Variants in RABAC1 observed in about 807,000 individuals in gnomAD.
The protein encoded by RABAC1 is Rab acceptor 1.
Under a neutral mutation model 22.9 loss-of-function variants are expected in RABAC1, and 16 were observed. The ratio of observed to expected loss-of-function variants is 0.70; its 90% CI spans 0.47 to 1.06. RABAC1 has a LOEUF of 1.06. Among genes scored for constraint, RABAC1 ranks in the 50% least tolerant of loss-of-function variants. RABAC1 has a pLI of 0.00. For missense variants in RABAC1, 227 were observed against 246.5 expected (o/e 0.92, Z 0.53); for synonymous variants, 139 against 107.7 (o/e 1.29, Z -1.80).
chr19:41,957,437 G>C (rs1396533260), intron 3 of RABAC1: 5 of 348,786 alleles, frequency 1.4e-5, no homozygotes, highest in Non-Finnish European at 2.7e-5. Context: ...GCGCAGACCA[G>C]GGTCTCAAAC....
chr19:41,959,302 G>A lies in RABAC1; in HGVS notation c.-10C>T, dbSNP rs771228785. ...CCTTCTGCGCTGCCATGTCTGCGTCGTGAGGGGTAGAGCTGCTGTAACCAG... is the reference window on the plus strand; with the variant it reads ...CCTTCTGCGCTGCCATGTCTGCGTCATGAGGGGTAGAGCTGCTGTAACCAG... On this transcript the variant is annotated 5_prime_UTR_variant, in exon 1 of 5. In the 5' UTR this introduces an upstream ATG that the reference lacks. Coordinates refer to ENST00000222008, the MANE Select transcript of RABAC1 (RefSeq NM_006423.3). 1.2e-6 allele frequency: 2 copies of A among 1,613,438 alleles called. No individual in the cohort carries two copies. Among genetic ancestry groups the A allele is most frequent in the African/African-American group, 1.3e-5 (1 of 74,934 alleles).
At chr19:41,957,338 C>T (rs1224275177) in intron 3 of RABAC1, 1 of 554,840 alleles carries the variant, frequency 1.8e-6, no homozygotes, top group Non-Finnish European at 3.2e-6. Flanking sequence ...CTCAGCCCCA[C>T]CCTCTGCCCT....
intron 3 of RABAC1, chr19:41,957,385 G>C: frequency 2.0e-6 from 1 of 500,946 alleles, no homozygotes; most frequent in African/African-American, 1.9e-5. Flanking sequence ...TGGGATCCCG[G>C]CTTCCTGCTC....
intron 3 of RABAC1, chr19:41,957,330 C>T: frequency 1.7e-6 from 1 of 573,260 alleles, no homozygotes; most frequent in Non-Finnish European, 3.1e-6. Flanking sequence ...TCGCCTGCCT[C>T]AGCCCCACCC....
In RABAC1 at chr19:41,958,959, TG is replaced by T; in HGVS notation, c.57-12del. On this transcript the variant is annotated splice_polypyrimidine_tract_variant and intron_variant, in intron 1 of 4. Coordinates refer to ENST00000222008, the MANE Select transcript of RABAC1 (RefSeq NM_006423.3). Reference sequence around the variant, plus strand: ...TTCGGCAGCAGGGTCCTGCGGGGGGTGGGGCCGGGTCAGTGGTGGACCGGGA... The same window carrying T: ...TTCGGCAGCAGGGTCCTGCGGGGGGTGGGCCGGGTCAGTGGTGGACCGGGA... 6.4e-7 allele frequency: 1 copy of T among 1,552,822 alleles called. No individual in the cohort carries two copies. The highest frequency in any genetic ancestry group is 8.7e-7 in the Non-Finnish European group (1 of 1,154,632).
intron 2 of RABAC1, 124 bp downstream of exon 2, chr19:41,958,612 G>T: frequency 9.0e-7 from 1 of 1,116,606 alleles, no homozygotes. Flanking sequence ...GGGCCTGGGC[G>T]GTGAGAAGAG....
Position 41,956,833 on chromosome 19 carries a change from C to A in RABAC1, c.*13G>T. 6.2e-7 allele frequency: 1 copy of A among 1,602,804 alleles called. No homozygotes were observed. On this transcript the variant is annotated 3_prime_UTR_variant, in exon 5 of 5. Coordinates refer to ENST00000222008, the MANE Select transcript of RABAC1 (RefSeq NM_006423.3). Reference sequence around the variant, plus strand: ...CAGCTGGCCCGGGAGGCCGGCAGGTCCCAGAAGACACCTCACACGGGTTCC... The same window carrying A: ...CAGCTGGCCCGGGAGGCCGGCAGGTACCAGAAGACACCTCACACGGGTTCC...
intron 3 of RABAC1, chr19:41,957,343 T>G: frequency 1.8e-6 from 1 of 547,926 alleles, no homozygotes; most frequent in East Asian, 3.1e-5. Flanking sequence ...CCCCACCCTC[T>G]GCCCTCTGCC....
chr19:41,957,908 C>A (rs1355167759), intron 3 of RABAC1: 4 of 182,002 alleles, frequency 2.2e-5, no homozygotes, highest in African/African-American at 4.7e-5. Context: ...GGAAAAGAAA[C>A]GGGAACAGAT....
chr19:41,957,955 T>C, intron 3 of RABAC1: 2 of 315,604 alleles, frequency 6.3e-6, no homozygotes, highest in South Asian at 2.8e-5. Flanking sequence ...GTGTCCAGTG[T>C]GGGCACCTGC....
chr19:41,956,897 G>A lies in RABAC1; in HGVS notation c.507C>T (p.Phe169=), dbSNP rs2074992171. 6.2e-7 allele frequency: 1 copy of A among 1,612,676 alleles called. No individual in the cohort carries two copies. The highest frequency in any genetic ancestry group is 8.5e-7 in the Non-Finnish European group (1 of 1,179,478). The change falls in exon 5 of 5, where the codon TTC becomes TTT. Residue 169 remains phenylalanine (F), a synonymous_variant. Transcript: ENST00000222008. The part of the protein sequence containing the change: ...TLVVIGSHAA[F]HQIEAVDGEE... ...CCCCGTCCACAGCCTCAATCTGGTG[G>A]AAGGCAGCGTGGGAGCCGATGACCA...
chr19:41,957,119 C>T lies in RABAC1; in HGVS notation c.368G>A (p.Gly123Asp). 2 of 1,613,302 alleles carry T rather than the reference C, an allele frequency of 1.2e-6. No individual in the cohort carries two copies. The highest frequency in any genetic ancestry group is 1.7e-6 in the Non-Finnish European group (2 of 1,179,800). ...RTLESKLVLF[G>D]REVSPAHQYA... ...CTGATGCGCTGGGCTCACCTCTCGG[C>T]CTGGGGGCAGATGGCATTGGGGTGC... The change falls in exon 4 of 5, where the codon GGC becomes GAC. Residue 123 changes from glycine (G) to aspartate (D), a missense_variant and splice_region_variant. By Grantham distance (94) the Gly-to-Asp change is moderately conservative. Transcript: ENST00000222008.
chr19:41,956,787 C>T lies in RABAC1; in HGVS notation c.*59G>A, dbSNP rs1326169844. 10 of 1,480,784 alleles carry T rather than the reference C, an allele frequency of 6.8e-6. No homozygotes were observed. In the Admixed American group the frequency reaches 1.1e-4, roughly 16 times the overall value. The allele number at this position is 1,480,784 out of a possible 1,614,324, so 91.7% of individuals were successfully genotyped here. On this transcript the variant is annotated 3_prime_UTR_variant, in exon 5 of 5. Transcript: ENST00000222008. ...GCCCGAGCAGCAGAGCCGTGCAGGACAGGCATGGGCAGGGGTGGGGCAGCT... is the reference window on the plus strand; with the variant it reads ...GCCCGAGCAGCAGAGCCGTGCAGGATAGGCATGGGCAGGGGTGGGGCAGCT...
At position 41,958,955 on chromosome 19, in the gene RABAC1, G is replaced by T; in HGVS notation, c.57-7C>A. On this transcript the variant is annotated splice_region_variant and splice_polypyrimidine_tract_variant and intron_variant, in intron 1 of 4. Coordinates refer to ENST00000222008, the MANE Select transcript of RABAC1 (RefSeq NM_006423.3). ...CAGCTTCGGCAGCAGGGTCCTGCGG[G>T]GGGTGGGGCCGGGTCAGTGGTGGAC... 6.4e-7 allele frequency: 1 copy of T among 1,559,042 alleles called. No homozygotes were observed. Among genetic ancestry groups the T allele is most frequent in the East Asian group, 2.3e-5 (1 of 42,574 alleles).
rs1044689 is a variant in RABAC1 at position 41,956,774 on chromosome 19, G to A, written c.*72C>T. 5.0e-6 allele frequency: 7 copies of A among 1,390,182 alleles called. No individual in the cohort carries two copies. The highest frequency in any genetic ancestry group is 6.9e-6 in the Non-Finnish European group (7 of 1,019,002). 86.1% of individuals were successfully genotyped at this position (1,390,182 alleles called of 1,614,324 possible). On this transcript the variant is annotated 3_prime_UTR_variant, in exon 5 of 5. Coordinates refer to ENST00000222008, the MANE Select transcript of RABAC1 (RefSeq NM_006423.3). Reference sequence around the variant, plus strand: ...GACGGCGCTGTGGGCCCGAGCAGCAGAGCCGTGCAGGACAGGCATGGGCAG... The same window carrying A: ...GACGGCGCTGTGGGCCCGAGCAGCAAAGCCGTGCAGGACAGGCATGGGCAG...
rs782590623 is a variant in RABAC1, at chr19:41,959,289, C to T, written c.4G>A (p.Ala2Thr). 1.2e-6 allele frequency: 2 copies of T among 1,613,720 alleles called. No homozygotes were observed. Among genetic ancestry groups the T allele is most frequent in the South Asian group, 1.1e-5 (1 of 91,088 alleles). The change falls in exon 1 of 5, where the codon GCA becomes ACA. Residue 2 changes from alanine to threonine, a missense_variant. Ala to Thr is a moderately conservative substitution (Grantham distance 58). Transcript: ENST00000222008. MAAQKDQQKDAE... is the reference protein window; with the variant it reads MTAQKDQQKDAE... ...TCTTTCTGCTGGTCCTTCTGCGCTG[C>T]CATGTCTGCGTCGTGAGGGGTAGAG...
chr19:41,957,225 C>T (rs1259253073), intron 3 of RABAC1, 106 bp from the exon 4 acceptor site: 2 of 933,996 alleles, frequency 2.1e-6, no homozygotes, highest in South Asian at 3.1e-5. Context: ...TTCTCGGGAT[C>T]GAATCCAAAC....
At chr19:41,958,972 GTGGTGGACC>G (rs1413483364) in intron 1 of RABAC1, 24 bp from the exon 2 acceptor site, 2 of 1,538,130 alleles carry the variant, frequency 1.3e-6, no homozygotes, top group African/African-American at 1.4e-5. Context: ...GGCCGGGTCA[GTGGTGGACC>G]GGGATGGAGC....
Position 41,958,232 on chromosome 19 carries a change from C to CA in RABAC1, c.367+53dup, listed in dbSNP as rs556018960. ...TGGGGTCTGAGGTCTGTCTGCATTC[C>CA]AAAAGACCAAGATTTGAGGGACCAA... is the stretch of plus-strand genomic sequence containing the variant. On this transcript the variant is annotated intron_variant, in intron 3 of 4. Coordinates refer to ENST00000222008, the MANE Select transcript of RABAC1 (RefSeq NM_006423.3). The CA allele has an allele frequency of 3.3e-6, 5 of 1,530,338 alleles. No individual in the cohort carries two copies. The Admixed American group carries it at 9.5e-5, about 29-fold the overall frequency. The allele number at this position is 1,530,338 out of a possible 1,614,324, so 94.8% of individuals were successfully genotyped here. A position where few individuals can be genotyped will look rare whatever the true frequency, so the allele number is the denominator to read the frequency against.
Sources: allele counts gnomAD v4.1 joint callset, GRCh38; gene constraint gnomAD v4.1.1; transcripts MANE v1.5; gene names NCBI Gene and HGNC (gene_info 2026-07-23, HGNC 2026-07-21).